The following ATP9B variants were observed in gnomAD, a reference collection of about 807,000 sequenced individuals.
The protein encoded by ATP9B is ATPase phospholipid transporting 9B.
In ATP9B, 110 loss-of-function variants were observed where a neutral mutation model predicts 146.1. The observed-to-expected ratio is 0.75, with a 90% CI of 0.65 to 0.88. ATP9B has a LOEUF of 0.88. ATP9B is among the 40% of genes least tolerant of loss of function. The probability of loss-of-function intolerance (pLI) is 0.00; values close to 1 mark genes in which losing one functional copy is unlikely to be tolerated. For missense variants in ATP9B, 1,499 were observed against 1,496.4 expected, an observed-to-expected ratio of 1.00 and a Z score of -0.03; for synonymous variants, 604 against 569.7, an observed-to-expected ratio of 1.06 and a Z score of -0.86.
intron 7 of ATP9B, among the ~76,000 whole-genome samples, chr18:79,158,598 C>A (rs2094831236): frequency 6.6e-6 from 1 of 152,164 alleles, no homozygotes; most frequent in South Asian, 2.1e-4. Flanking sequence ...TGGCCTGATT[C>A]ATTGTTTATT....
chr18:79,149,917 C>T lies in ATP9B; in HGVS notation c.727-4587C>T, dbSNP rs544945263. Among the ~76,000 whole-genome samples, 8 of 152,064 alleles carry T rather than the reference C, an allele frequency of 5.3e-5. No individual in the cohort carries two copies. The South Asian group carries it at 1.7e-3, about 32-fold the overall frequency. On this transcript the variant is annotated intron_variant, in intron 6 of 29. Coordinates refer to ENST00000426216, the MANE Select transcript of ATP9B (RefSeq NM_198531.5). ...CCAACATGGTGAATCCCTATCTCTACTGAAAATATAAAAATTAGTTGGGTG... is the reference window on the plus strand; with the variant it reads ...CCAACATGGTGAATCCCTATCTCTATTGAAAATATAAAAATTAGTTGGGTG...
At chr18:79,225,644 C>T (rs112863754) in intron 11 of ATP9B, among the ~76,000 whole-genome samples, 3 of 149,150 alleles carry the variant, frequency 2.0e-5, no homozygotes, top group African/African-American at 2.5e-5. Context: ...TGTTGGGTCC[C>T]GCAGTCGCAG....
chr18:79,353,439 G>C (rs1395071888), intron 25 of ATP9B: 1 of 152,318 alleles, frequency 6.6e-6, no homozygotes, highest in African/African-American at 2.4e-5. Context: ...CATCCACCAG[G>C]GGGTGGAAGA....
At chr18:79,126,652 A>G (rs1166656259) in intron 5 of ATP9B, among the ~76,000 whole-genome samples, 1 of 152,194 alleles carries the variant, frequency 6.6e-6, no homozygotes, top group Non-Finnish European at 1.5e-5. Context: ...TAATCATGTA[A>G]TGTGTTCTAT....
rs138872920 is a variant in ATP9B at position 79,314,262 on chromosome 18, C to T, written c.1773+7028C>T. 4.9e-4 allele frequency among the ~76,000 whole-genome samples: 74 copies of T among 152,290 alleles called. 1 individual carries two copies. The highest frequency in any genetic ancestry group is 7.6e-4 in the Non-Finnish European group (52 of 68,020). ...TAAAACCCTGTTTGTGGCGCTGTGT[C>T]ATCTCGGTCTTTAGGAAGGATGCAG... is the stretch of plus-strand genomic sequence containing the variant. On this transcript the variant is annotated intron_variant, in intron 15 of 29. Transcript: ENST00000426216.
chr18:79,296,901 CAGAGATGACCCAG>C (rs1164657443), intron 13 of ATP9B, among the ~76,000 whole-genome samples: 3 of 151,154 alleles, frequency 2.0e-5, no homozygotes, highest in African/African-American at 7.3e-5. Flanking sequence ...ACAGAGAAGA[CAGAGATGACCCAG>C]AGAGAAGACA....
At chr18:79,151,311 C>T (rs1473571885) in intron 6 of ATP9B, among the ~76,000 whole-genome samples, 1 of 152,014 alleles carries the variant, frequency 6.6e-6, no homozygotes, top group African/African-American at 2.4e-5. Context: ...GAAAATTTAC[C>T]GAGGTGGGAG....
chr18:79,166,142 C>A (rs2094961207), intron 7 of ATP9B, among the ~76,000 whole-genome samples: 1 of 152,124 alleles, frequency 6.6e-6, no homozygotes, highest in Non-Finnish European at 1.5e-5. Context: ...TCCCTACAGA[C>A]TTTGTTTGAA....
intron 11 of ATP9B, among the ~76,000 whole-genome samples, chr18:79,238,239 CTTTT>C (rs57427830): frequency 7.1e-6 from 1 of 140,614 alleles, no homozygotes. Context: ...ATAAGTGATC[CTTTT>C]TTTTTTTTTT....
intron 9 of ATP9B, among the ~76,000 whole-genome samples, chr18:79,193,473 G>C (rs1289518748): frequency 1.3e-5 from 2 of 152,052 alleles, no homozygotes; most frequent in East Asian, 1.9e-4. Flanking sequence ...ATTTTTTTTA[G>C]CATATTTACT....
At chr18:79,302,282 C>T (rs1212633779) in intron 13 of ATP9B, among the ~76,000 whole-genome samples, 3 of 152,122 alleles carry the variant, frequency 2.0e-5, no homozygotes. Flanking sequence ...CTCCCTGCCC[C>T]CACCCTCCCC....
intron 9 of ATP9B, among the ~76,000 whole-genome samples, chr18:79,193,599 T>C (rs2095389946): frequency 6.6e-6 from 1 of 152,210 alleles, no homozygotes. Flanking sequence ...CTTTTTACTG[T>C]CTGAGTTGGG....
chr18:79,305,063 C>T (rs1017314401), intron 14 of ATP9B, among the ~76,000 whole-genome samples: 5 of 152,044 alleles, frequency 3.3e-5, no homozygotes, highest in South Asian at 2.1e-4. Flanking sequence ...CACAGCCCAC[C>T]CTGGGAGGTG....
At chr18:79,235,304 ACATAT>A (rs1392519866) in intron 11 of ATP9B, among the ~76,000 whole-genome samples, 5 of 152,184 alleles carry the variant, frequency 3.3e-5, no homozygotes, top group African/African-American at 1.2e-4. Context: ...ACCTTCCTCC[ACATAT>A]CATATTACTA....
chr18:79,364,122 T>C (rs1423216534), intron 26 of ATP9B: 1 of 151,978 alleles, frequency 6.6e-6, no homozygotes. Flanking sequence ...AAAAATTAGC[T>C]GTGCATGGTG....
chr18:79,199,995 G>C lies in ATP9B; in HGVS notation c.954+6732G>C, dbSNP rs564791165. On this transcript the variant is annotated intron_variant, in intron 9 of 29. Coordinates refer to ENST00000426216, the MANE Select transcript of ATP9B (RefSeq NM_198531.5). ...TAAGTTTGTCTTTTTATAAGTAGAA[G>C]GAGTACACTCTCAAACAGTGATAAA... Among the ~76,000 whole-genome samples, 12 of 152,238 alleles carry C rather than the reference G, an allele frequency of 7.9e-5. No homozygotes were observed. In the South Asian group the frequency reaches 2.5e-3, roughly 32 times the overall value.
intron 11 of ATP9B, among the ~76,000 whole-genome samples, chr18:79,250,978 A>G (rs772676908): frequency 6.6e-6 from 1 of 152,192 alleles, no homozygotes; most frequent in Non-Finnish European, 1.5e-5. Context: ...TAGAGCTGGG[A>G]ATGTGCAGTC....
chr18:79,255,425 T>C (rs901931634), intron 12 of ATP9B, among the ~76,000 whole-genome samples: 2 of 152,214 alleles, frequency 1.3e-5, no homozygotes, highest in African/African-American at 4.8e-5. Context: ...GCTTCCTCCA[T>C]TTGATGCCAC....
At chr18:79,225,523 C>T (rs533606239) in intron 11 of ATP9B, among the ~76,000 whole-genome samples, 60 of 152,348 alleles carry the variant, frequency 3.9e-4, no homozygotes, top group Non-Finnish European at 7.6e-4. Flanking sequence ...GACGTCCTTT[C>T]GAAACCATGT....
Sources: allele counts gnomAD v4.1 joint callset (sites outside exome capture counted in the v4.1 genomes callset), GRCh38; gene constraint gnomAD v4.1.1; transcripts MANE v1.5; gene names NCBI Gene and HGNC (gene_info 2026-07-23, HGNC 2026-07-21).